The following SGK3 variants were observed in gnomAD, a reference collection of about 807,000 sequenced individuals.
The protein encoded by SGK3 is serum/glucocorticoid regulated kinase family member 3.
A neutral mutation model predicts 68.5 loss-of-function variants in SGK3; 47 were observed. That is an observed-to-expected ratio of 0.69 (90% CI 0.54 to 0.87). The LOEUF is 0.87. SGK3 is among the 40% of genes least tolerant of loss of function. The probability of loss-of-function intolerance (pLI) is 0.00; values close to 1 mark genes in which losing one functional copy is unlikely to be tolerated. For missense variants in SGK3, 479 were observed against 575.5 expected, an observed-to-expected ratio of 0.83 and a Z score of 1.72; for synonymous variants, 181 against 189.1, an observed-to-expected ratio of 0.96 and a Z score of 0.35.
chr8:66,762,044 A>G (rs984368710), intron 1 of SGK3, among the ~76,000 whole-genome samples: 3 of 151,788 alleles, frequency 2.0e-5, no homozygotes, highest in African/African-American at 4.8e-5. Context: ...TTTTTTTTTG[A>G]GACGAAGTCT....
intron 3 of SGK3, among the ~76,000 whole-genome samples, chr8:66,799,484 A>G (rs369180619): frequency 6.6e-6 from 1 of 152,334 alleles, no homozygotes; most frequent in African/African-American, 2.4e-5. Flanking sequence ...TGCCTTGAAG[A>G]TCATACGTAG....
chr8:66,718,673 T>C (rs1484650764), intron 1 of SGK3, among the ~76,000 whole-genome samples: 1 of 151,904 alleles, frequency 6.6e-6, no homozygotes, highest in Non-Finnish European at 1.5e-5. Flanking sequence ...GGATTACAGA[T>C]GTGTGCCACC....
intron 1 of SGK3, among the ~76,000 whole-genome samples, chr8:66,730,041 G>A (rs1272988792): frequency 6.6e-6 from 1 of 152,078 alleles, no homozygotes; most frequent in African/African-American, 2.4e-5. Context: ...CACTTTGCGT[G>A]AGCCACCGTG....
At chr8:66,792,856 T>C (rs201698650) in intron 1 of SGK3, among the ~76,000 whole-genome samples, 1 of 152,182 alleles carries the variant, frequency 6.6e-6, no homozygotes, top group South Asian at 2.1e-4. Context: ...TGCAGCATGA[T>C]TGCACCTGTG....
At chr8:66,739,387 T>A (rs1253342243) in intron 1 of SGK3, among the ~76,000 whole-genome samples, 2 of 151,968 alleles carry the variant, frequency 1.3e-5, no homozygotes, top group East Asian at 1.9e-4. Flanking sequence ...ACAAATTTAT[T>A]TATTTATTTA....
intron 6 of SGK3, among the ~76,000 whole-genome samples, chr8:66,824,085 C>A (rs1015186484): frequency 2.0e-5 from 3 of 152,022 alleles, no homozygotes; most frequent in Non-Finnish European, 2.9e-5. Context: ...TTTGTGACTA[C>A]TGGAAAGTAG....
chr8:66,818,097 T>A (rs901747780), intron 5 of SGK3, among the ~76,000 whole-genome samples: 2 of 152,060 alleles, frequency 1.3e-5, no homozygotes, highest in Non-Finnish European at 2.9e-5. Context: ...CCAACCTGGG[T>A]GGCAGAGTGA....
intron 5 of SGK3, among the ~76,000 whole-genome samples, chr8:66,818,724 G>A (rs1808693916): frequency 6.6e-6 from 1 of 152,172 alleles, no homozygotes. Context: ...AGTCATCCAT[G>A]TTGTCTCATT....
At chr8:66,846,750 T>C (rs1192779413) in intron 14 of SGK3, among the ~76,000 whole-genome samples, 2 of 152,270 alleles carry the variant, frequency 1.3e-5, no homozygotes, top group Admixed American at 1.3e-4. Context: ...ATCTCTGTCA[T>C]AAGTACCTAA....
chr8:66,713,432 C>T (rs1440089241), intron 1 of SGK3, among the ~76,000 whole-genome samples: 2 of 152,216 alleles, frequency 1.3e-5, no homozygotes, highest in African/African-American at 4.8e-5. Flanking sequence ...AAGGAATCAT[C>T]TCTTGAAACT....
At chr8:66,751,954 G>A (rs1020865956) in intron 1 of SGK3, among the ~76,000 whole-genome samples, 13 of 151,970 alleles carry the variant, frequency 8.6e-5, no homozygotes, top group Non-Finnish European at 1.8e-4. Context: ...TAGTAGAGAT[G>A]GGGTTTCTCC....
chr8:66,786,667 C>T (rs1197547181), intron 1 of SGK3, among the ~76,000 whole-genome samples: 3 of 152,156 alleles, frequency 2.0e-5, no homozygotes, highest in African/African-American at 7.2e-5. Context: ...TTCAGAGCAA[C>T]ATCTTTATTC....
chr8:66,824,847 T>A lies in SGK3; in HGVS notation c.417+2388T>A, dbSNP rs189166987. On this transcript the variant is annotated intron_variant, in intron 6 of 16. Transcript: ENST00000521198. ...ACAGTATGATTTACAGTCAGTTTTT[T>A]AAAAAGATATGCAAATACTATATGA... is the stretch of plus-strand genomic sequence containing the variant. Among the ~76,000 whole-genome samples, 75 of 152,336 alleles carry A rather than the reference T, an allele frequency of 4.9e-4. No individual in the cohort carries two copies. In the East Asian group the frequency reaches 8.1e-3, roughly 16 times the overall value.
chr8:66,848,976 T>C (rs1355535458), intron 15 of SGK3, among the ~76,000 whole-genome samples: 1 of 152,240 alleles, frequency 6.6e-6, no homozygotes, highest in Admixed American at 6.5e-5. Context: ...CCTAGCCTTC[T>C]GCAAGAGCAC....
chr8:66,750,395 C>T (rs1805778543), intron 1 of SGK3, among the ~76,000 whole-genome samples: 1 of 152,034 alleles, frequency 6.6e-6, no homozygotes. Context: ...AGCCAGGCAC[C>T]TATTTGTCTA....
chr8:66,789,442 A>G (rs573242804), intron 1 of SGK3, among the ~76,000 whole-genome samples: 22 of 152,290 alleles, frequency 1.4e-4, no homozygotes, highest in African/African-American at 5.1e-4. Flanking sequence ...ATGACATGGG[A>G]CAGGGAACCA....
chr8:66,748,225 T>C (rs73691572), intron 1 of SGK3, among the ~76,000 whole-genome samples: 19,547 of 152,154 alleles, frequency 0.13, 2,335 homozygotes, highest in African/African-American at 0.31. Context: ...ATAAATCCTT[T>C]CTTCTCATTC....
intron 1 of SGK3, among the ~76,000 whole-genome samples, chr8:66,768,388 T>TATAC (rs1175827990): frequency 6.6e-6 from 1 of 152,130 alleles, no homozygotes; most frequent in Non-Finnish European, 1.5e-5. Flanking sequence ...TGTTTCTTGT[T>TATAC]GTATGAGTCT....
chr8:66,841,053 T>C lies in SGK3; in HGVS notation c.921T>C (p.Leu307=). 1 of 1,602,314 alleles carries C rather than the reference T, an allele frequency of 6.2e-7. No homozygotes were observed. Among genetic ancestry groups the C allele is most frequent in the South Asian group, 1.1e-5 (1 of 88,888 alleles). ...VGHVVLTDFG[L]CKEGIAISDT... is the part of the protein sequence containing the mutation. ...ATGTTGTCTTAACAGATTTTGGGCT[T>C]TGTAAAGAAGGAATTGCTATTTCTG... Residue 307 remains leucine (L), a synonymous_variant, in exon 13 of 17, where the codon CTT becomes CTC. Transcript: ENST00000521198.
Sources: allele counts gnomAD v4.1 joint callset (sites outside exome capture counted in the v4.1 genomes callset), GRCh38; gene constraint gnomAD v4.1.1; transcripts MANE v1.5; gene names NCBI Gene and HGNC (gene_info 2026-07-23, HGNC 2026-07-21).